The following HS6ST3 variants were observed in gnomAD, a reference collection of about 807,000 sequenced individuals.
HS6ST3 encodes the protein heparan sulfate 6-O-sulfotransferase 3.
In HS6ST3, 12 loss-of-function variants were observed where a neutral mutation model predicts 36.7. The observed-to-expected ratio is 0.33, with a 90% CI of 0.21 to 0.53. The LOEUF (loss-of-function observed/expected upper bound fraction) is 0.53. Ranked by LOEUF, HS6ST3 falls within the 20% of genes least tolerant of loss-of-function variation. The pLI is 0.95. For missense variants in HS6ST3, 584 were observed against 640.9 expected, an observed-to-expected ratio of 0.91 and a Z score of 0.96; for synonymous variants, 240 against 257.5, an observed-to-expected ratio of 0.93 and a Z score of 0.65.
At chr13:96,325,518 G>A (rs898503768) in intron 1 of HS6ST3, among the ~76,000 whole-genome samples, 1 of 152,126 alleles carries the variant, frequency 6.6e-6, no homozygotes, top group African/African-American at 2.4e-5. Flanking sequence ...TTGCATGGCA[G>A]TTATATTTTA....
intron 1 of HS6ST3, among the ~76,000 whole-genome samples, chr13:96,781,844 A>G (rs1426260283): frequency 6.6e-6 from 1 of 152,212 alleles, no homozygotes; most frequent in African/African-American, 2.4e-5. Flanking sequence ...CTTAGCTATT[A>G]CAGAGGAATG....
At chr13:96,300,961 A>G (rs542212365) in intron 1 of HS6ST3, among the ~76,000 whole-genome samples, 1 of 152,288 alleles carries the variant, frequency 6.6e-6, no homozygotes, top group South Asian at 2.1e-4. Flanking sequence ...TGGAAGAGAG[A>G]GGCATTTGCC....
At chr13:96,196,360 T>C (rs2054312656) in intron 1 of HS6ST3, among the ~76,000 whole-genome samples, 1 of 152,194 alleles carries the variant, frequency 6.6e-6, no homozygotes, top group African/African-American at 2.4e-5. Flanking sequence ...GTTGGGATTT[T>C]GACGGGCATC....
chr13:96,732,533 C>CCTGGTA (rs1483746704), intron 1 of HS6ST3, among the ~76,000 whole-genome samples: 2 of 151,722 alleles, frequency 1.3e-5, no homozygotes, highest in Non-Finnish European at 2.9e-5. Flanking sequence ...ACAGTACCAC[C>CCTGGTA]CTGTTTGGGT....
At chr13:96,257,483 G>T (rs1239388810) in intron 1 of HS6ST3, among the ~76,000 whole-genome samples, 2 of 152,012 alleles carry the variant, frequency 1.3e-5, no homozygotes, top group Admixed American at 6.6e-5. Context: ...AAACTGTTTG[G>T]GTTTGAAACC....
intron 1 of HS6ST3, among the ~76,000 whole-genome samples, chr13:96,831,621 C>T (rs1239777944): frequency 6.6e-6 from 1 of 152,152 alleles, no homozygotes; most frequent in Non-Finnish European, 1.5e-5. Flanking sequence ...CATCCTTCCT[C>T]AACCAACCTA....
intron 1 of HS6ST3, among the ~76,000 whole-genome samples, chr13:96,591,501 C>T (rs868647745): frequency 6.6e-6 from 1 of 152,158 alleles, no homozygotes; most frequent in Middle Eastern, 3.4e-3. Context: ...AGATTGTTCA[C>T]TGTTAGCATA....
At chr13:96,395,981 C>G (rs1326419454) in intron 1 of HS6ST3, among the ~76,000 whole-genome samples, 1 of 152,110 alleles carries the variant, frequency 6.6e-6, no homozygotes. Context: ...GTTTCCTTAT[C>G]TGTAAAATGG....
At chr13:96,625,865 GA>G (rs1360367803) in intron 1 of HS6ST3, among the ~76,000 whole-genome samples, 1 of 150,850 alleles carries the variant, frequency 6.6e-6, no homozygotes, top group Non-Finnish European at 1.5e-5. Context: ...ATTCGAGACG[GA>G]GTCTTGCTCT....
chr13:96,095,109 A>C (rs1022566359), intron 1 of HS6ST3, among the ~76,000 whole-genome samples: 5 of 152,182 alleles, frequency 3.3e-5, no homozygotes, highest in African/African-American at 1.2e-4. Context: ...TGATATACCT[A>C]AGGTTTCTTG....
At chr13:96,591,790 G>C (rs1161039543) in intron 1 of HS6ST3, among the ~76,000 whole-genome samples, 1 of 151,994 alleles carries the variant, frequency 6.6e-6, no homozygotes, top group Non-Finnish European at 1.5e-5. Context: ...CAGAAAAAAG[G>C]CTTTTAGTTT....
chr13:96,205,808 A>T (rs555171724), intron 1 of HS6ST3, among the ~76,000 whole-genome samples: 1 of 152,304 alleles, frequency 6.6e-6, no homozygotes, highest in East Asian at 1.9e-4. Context: ...TTGAAAGAAC[A>T]TACCTCAAAA....
intron 1 of HS6ST3, among the ~76,000 whole-genome samples, chr13:96,761,894 G>C (rs1190395450): frequency 2.0e-5 from 3 of 152,002 alleles, no homozygotes; most frequent in African/African-American, 2.4e-5. Flanking sequence ...ACAGTGCTCT[G>C]TTTTGCACTC....
chr13:96,816,898 C>T (rs1402418525), intron 1 of HS6ST3, among the ~76,000 whole-genome samples: 2 of 152,118 alleles, frequency 1.3e-5, no homozygotes, highest in African/African-American at 2.4e-5. Flanking sequence ...GGTGCTAGGT[C>T]GTGTTCTCTC....
At position 96,830,052 on chromosome 13, in the gene HS6ST3, T is replaced by TG. The variant is rs200728655; in HGVS notation, c.708-2437dup. Reference sequence around the variant, plus strand: ...ACTTTGAGTACCCATACAACCATTCTGTTTTTTTTTTCATTTTCATTAAGA... The same window carrying TG: ...ACTTTGAGTACCCATACAACCATTCTGGTTTTTTTTTTCATTTTCATTAAGA... On this transcript the variant is annotated intron_variant, in intron 1 of 1. Coordinates refer to ENST00000376705, the MANE Select transcript of HS6ST3 (RefSeq NM_153456.4). Among the ~76,000 whole-genome samples, 84 of 144,014 alleles carry TG rather than the reference T, an allele frequency of 5.8e-4. No individual in the cohort carries two copies. In the Middle Eastern group the frequency reaches 0.011, roughly 18 times the overall value. 94.5% of individuals were successfully genotyped at this position (144,014 alleles called of 152,430 possible). A position where few individuals can be genotyped will look rare whatever the true frequency, so the allele number is the denominator to read the frequency against.
intron 1 of HS6ST3, among the ~76,000 whole-genome samples, chr13:96,231,671 G>A (rs2054508868): frequency 6.6e-6 from 1 of 152,208 alleles, no homozygotes; most frequent in East Asian, 1.9e-4. Context: ...ATGAGATTTG[G>A]GCAGGGACAC....
chr13:96,660,722 A>G (rs2056643319), intron 1 of HS6ST3, among the ~76,000 whole-genome samples: 1 of 152,160 alleles, frequency 6.6e-6, no homozygotes, highest in South Asian at 2.1e-4. Flanking sequence ...ATTAGAAACC[A>G]TGATGGTTAA....
chr13:96,091,598 T>TGGGGCCC, intron 1 of HS6ST3, 29 bp downstream of exon 1: 1 of 1,488,774 alleles, frequency 6.7e-7, no homozygotes, highest in Non-Finnish European at 9.0e-7. Flanking sequence ...TCTCTGTTCT[T>TGGGGCCC]CCCCCCCACC....
intron 1 of HS6ST3, among the ~76,000 whole-genome samples, chr13:96,096,533 A>G (rs1473564552): frequency 6.6e-6 from 1 of 152,204 alleles, no homozygotes; most frequent in Non-Finnish European, 1.5e-5. Context: ...GAAAAAAAGG[A>G]TTATAAATGA....
Sources: gnomAD v4.1 joint callset for allele counts (sites outside exome capture counted in the v4.1 genomes callset) on GRCh38, gnomAD v4.1.1 for gene constraint, MANE v1.5 for transcripts, NCBI Gene and HGNC (gene_info 2026-07-23, HGNC 2026-07-21) for gene names.